SCN2A: variants seen among roughly 807,000 people sequenced by gnomAD.
SCN2A encodes sodium channel protein type 2 subunit alpha.
In SCN2A, 20 loss-of-function variants were observed where a neutral mutation model predicts 188.7. The observed-to-expected ratio is 0.11, with a 90% CI of 0.07 to 0.15. The LOEUF is 0.15. Among genes scored for constraint, SCN2A ranks in the 10% least tolerant of loss-of-function variants. The pLI is 1.00. For missense variants in SCN2A, 1,278 were observed against 2,445.0 expected, an observed-to-expected ratio of 0.52 and a Z score of 10.07; for synonymous variants, 804 against 833.1, an observed-to-expected ratio of 0.97 and a Z score of 0.60.
intron 14 of SCN2A, among the ~76,000 whole-genome samples, chr2:165,333,570 A>G (rs1168267232): frequency 1.3e-5 from 2 of 151,946 alleles, no homozygotes; most frequent in Non-Finnish European, 2.9e-5. Flanking sequence ...ATAAGATGTC[A>G]TGAGAGAAAT....
At chr2:165,244,199 G>C (rs993397487) in intron 1 of SCN2A, among the ~76,000 whole-genome samples, 6 of 152,058 alleles carry the variant, frequency 3.9e-5, no homozygotes, top group African/African-American at 1.5e-4. Context: ...CTGAGATCGT[G>C]CCACTGCACT....
intron 1 of SCN2A, among the ~76,000 whole-genome samples, chr2:165,287,734 G>T (rs1434427876): frequency 6.6e-6 from 1 of 152,078 alleles, no homozygotes; most frequent in East Asian, 1.9e-4. Flanking sequence ...ACCTCTTTGG[G>T]TTCTTAAAGT....
chr2:165,245,636 G>C (rs1195130931), intron 1 of SCN2A, among the ~76,000 whole-genome samples: 1 of 152,104 alleles, frequency 6.6e-6, no homozygotes, highest in Non-Finnish European at 1.5e-5. Flanking sequence ...TGAATTAACA[G>C]TCTAGAAGAC....
At chr2:165,301,813 T>A (rs1696824451) in intron 3 of SCN2A, among the ~76,000 whole-genome samples, 1 of 152,234 alleles carries the variant, frequency 6.6e-6, no homozygotes, top group Non-Finnish European at 1.5e-5. Flanking sequence ...CACCAGAGTT[T>A]AGACCTGCAA....
intron 1 of SCN2A, among the ~76,000 whole-genome samples, chr2:165,291,487 TTTCTTTTCTTTC>T (rs757689291): frequency 3.2e-5 from 2 of 61,590 alleles, no homozygotes; most frequent in African/African-American, 1.4e-4. Context: ...TCTTTCTTTC[TTTCTTTTCTTTC>T]TTTCTTTCTT....
In SCN2A at chr2:165,326,992, A is replaced by G. The variant is rs199897920; in HGVS notation, c.2149+8A>G. 175 of 1,613,912 alleles carry G rather than the reference A, an allele frequency of 1.1e-4. 3 individuals are homozygous for G. In the East Asian group the frequency reaches 1.8e-3, roughly 17 times the overall value. On this transcript the variant is annotated splice_region_variant and intron_variant, in intron 13 of 26. Transcript: ENST00000375437. Reference sequence around the variant, plus strand: ...TGACCAACACCATGGAAGGTATGTTAAAAGTCCTGCGTCACAGTTACTTGG... The same window carrying G: ...TGACCAACACCATGGAAGGTATGTTGAAAGTCCTGCGTCACAGTTACTTGG...
chr2:165,308,076 A>G, intron 4 of SCN2A, 139 bp downstream of exon 4: 1 of 733,838 alleles, frequency 1.4e-6, no homozygotes. Flanking sequence ...CATTTCTGTC[A>G]CTAAATGTCT....
chr2:165,319,080 G>C (rs1390659785), intron 11 of SCN2A, among the ~76,000 whole-genome samples: 1 of 152,172 alleles, frequency 6.6e-6, no homozygotes, highest in East Asian at 1.9e-4. Flanking sequence ...GCTCATGCCT[G>C]TAATCCCAGC....
rs867663974 is a variant in SCN2A at position 165,373,310 on chromosome 2, G to A, written c.3935G>A (p.Arg1312Lys). 1 of 1,613,358 alleles carries A rather than the reference G, an allele frequency of 6.2e-7. No homozygotes were observed. Among genetic ancestry groups the A allele is most frequent in the Non-Finnish European group, 8.5e-7 (1 of 1,179,482 alleles). Reference sequence around the variant, plus strand: ...TCCCTCAGAACACTAAGAGCTCTGAGGCCACTGAGAGCTTTGTCCCGGTTT... The same window carrying A: ...TCCCTCAGAACACTAAGAGCTCTGAAGCCACTGAGAGCTTTGTCCCGGTTT... ...IKSLRTLRAL[R>K]PLRALSRFEG... The change falls in exon 21 of 27, where the codon AGG (arginine) becomes AAG (lysine). Residue 1312 changes from arginine to lysine, a missense_variant. Arg to Lys is a conservative substitution (Grantham distance 26, BLOSUM62 2). Around this residue, in one of 17 missense-constraint regions of SCN2A, gnomAD observed 39 missense variants for 130.2 expected, o/e 0.30. Coordinates refer to ENST00000375437, the MANE Select transcript of SCN2A (RefSeq NM_001040142.2).
chr2:165,348,358 CAA>C (rs559810900), intron 16 of SCN2A, among the ~76,000 whole-genome samples: 26 of 80,566 alleles, frequency 3.2e-4, no homozygotes, highest in Admixed American at 5.1e-4. Flanking sequence ...GACTCTGTTG[CAA>C]AAAAAAAAAA....
chr2:165,263,784 T>C (rs1471318942), intron 1 of SCN2A, among the ~76,000 whole-genome samples: 1 of 151,970 alleles, frequency 6.6e-6, no homozygotes, highest in South Asian at 2.1e-4. Flanking sequence ...ATTTGTTGTG[T>C]TTCCATTTGT....
chr2:165,380,985 A>C (rs1369788307), intron 24 of SCN2A, 108 bp from the exon 25 acceptor site: 1 of 780,292 alleles, frequency 1.3e-6, no homozygotes, highest in African/African-American at 1.8e-5. Context: ...TACAGATATT[A>C]GTAACAATAG....
chr2:165,350,639 A>AT (rs1443342566), intron 16 of SCN2A, among the ~76,000 whole-genome samples: 3 of 142,496 alleles, frequency 2.1e-5, no homozygotes, highest in Non-Finnish European at 4.6e-5. Flanking sequence ...CACCCGGCCA[A>AT]TTTTTTGTAT....
chr2:165,311,954 C>T, intron 7 of SCN2A, 71 bp from the exon 8 acceptor site: 1 of 1,009,482 alleles, frequency 9.9e-7, no homozygotes, highest in Non-Finnish European at 1.6e-6. Flanking sequence ...TGAGCTTTGC[C>T]ACCTAAACAG....
intron 17 of SCN2A, among the ~76,000 whole-genome samples, chr2:165,361,256 T>C (rs1041995750): frequency 1.3e-4 from 20 of 152,000 alleles, no homozygotes; most frequent in African/African-American, 4.8e-4. Flanking sequence ...TGTATTTAGC[T>C]TTACTCTACA....
intron 1 of SCN2A, among the ~76,000 whole-genome samples, chr2:165,251,669 C>G (rs1380939006): frequency 6.6e-6 from 1 of 152,040 alleles, no homozygotes; most frequent in African/African-American, 2.4e-5. Context: ...CTTTTTGCCT[C>G]CTGCTGCTGC....
rs754966737 is a variant in SCN2A at position 165,265,469 on chromosome 2, A to ATCTCTCTCTCTC, written c.-52+25832_-52+25833insCTCTCTCTCTCT. Among the ~76,000 whole-genome samples, 200 of 65,266 alleles carry ATCTCTCTCTCTC rather than the reference A, an allele frequency of 3.1e-3. 2 individuals carry two copies. Among genetic ancestry groups the ATCTCTCTCTCTC allele is most frequent in the South Asian group, 9.4e-3 (16 of 1,710 alleles). 42.8% of individuals were successfully genotyped at this position (65,266 alleles called of 152,430 possible). The stretch of plus-strand genomic sequence containing the variant: ...TCTAGGTTATGTGTTTACTCTGTTG[A>ATCTCTCTCTCTC]TCTATATATATATATATATATATAT... On this transcript the variant is annotated intron_variant, in intron 1 of 26. Transcript: ENST00000375437.
rs1250057135 is a variant in SCN2A at position 165,380,864 on chromosome 2, G to A, written c.4446+135G>A. On this transcript the variant is annotated intron_variant, in intron 24 of 26. Transcript: ENST00000375437. ...AATTATTTTGAGACATTTGATAATC[G>A]ATAAGCTTTTAAGCAATTAATAATT... The A allele has an allele frequency of 3.0e-5, 24 of 813,200 alleles. No individual in the cohort carries two copies. In the East Asian group the frequency reaches 3.5e-4, roughly 12 times the overall value. The allele number at this position is 813,200 out of a possible 1,614,324, so 50.4% of individuals were successfully genotyped here.
At position 165,310,479 on chromosome 2, in the gene SCN2A, A is replaced by G; in HGVS notation, c.854A>G (p.Asn285Ser). Reference protein sequence around the residue: ...RNKCLQWPPDNSSFEINITSF... With the variant: ...RNKCLQWPPDSSSFEINITSF... ...AAATGTTTGCAATGGCCTCCAGATA[A>G]TTCTTCCTTTGAAATAAATATCACT... The change falls in exon 7 of 27, where the codon AAT (asparagine) becomes AGT (serine). Residue 285 changes from asparagine (N) to serine (S), a missense_variant. Physicochemically the swap from Asn to Ser is conservative, Grantham distance 46. Transcript: ENST00000375437. The G allele has an allele frequency of 1.2e-6, 2 of 1,613,648 alleles. No homozygotes were observed. The highest frequency in any genetic ancestry group is 1.7e-6 in the Non-Finnish European group (2 of 1,179,624).
Sources: allele counts gnomAD v4.1 joint callset (sites outside exome capture counted in the v4.1 genomes callset), GRCh38; gene constraint gnomAD v4.1.1; regional missense constraint gnomAD v4.1.1; transcripts MANE v1.5; gene names NCBI Gene and HGNC (gene_info 2026-07-23, HGNC 2026-07-21).